PALM2AKAP2: variants seen among roughly 807,000 people sequenced by gnomAD.
The protein encoded by PALM2AKAP2 is PALM2-AKAP2 fusion protein.
PALM2AKAP2 carries 37 observed loss-of-function variants against 71.5 expected under a neutral mutation model. The observed-to-expected ratio is 0.52, with a 90% confidence interval of 0.40 to 0.68. The LOEUF is 0.68. PALM2AKAP2 is among the 30% of genes least tolerant of loss of function. PALM2AKAP2 has a pLI of 0.00. For missense variants in PALM2AKAP2, 1,224 were observed against 1,191.8 expected (o/e 1.03, Z -0.40); for synonymous variants, 468 against 478.8 (o/e 0.98, Z 0.29).
intron 1 of PALM2AKAP2, among the ~76,000 whole-genome samples, chr9:109,759,705 T>C (rs1212627222): frequency 2.6e-5 from 4 of 152,166 alleles, no homozygotes; most frequent in Non-Finnish European, 5.9e-5. Context: ...CGGATGTTGT[T>C]TCTCTTGCCT....
At chr9:109,906,540 G>A (rs906917910) in intron 3 of PALM2AKAP2, among the ~76,000 whole-genome samples, 1 of 152,094 alleles carries the variant, frequency 6.6e-6, no homozygotes, top group Non-Finnish European at 1.5e-5. Context: ...TTTCAGCCCA[G>A]CCTGTGCAGC....
chr9:109,756,156 C>T (rs1214940340), intron 1 of PALM2AKAP2, among the ~76,000 whole-genome samples: 1 of 152,134 alleles, frequency 6.6e-6, no homozygotes, highest in Admixed American at 6.6e-5. Flanking sequence ...TATATACATA[C>T]AGATACCAAC....
chr9:109,775,027 C>T (rs1373504537), intron 1 of PALM2AKAP2, among the ~76,000 whole-genome samples: 1 of 152,210 alleles, frequency 6.6e-6, no homozygotes, highest in African/African-American at 2.4e-5. Context: ...TGAGACTGGA[C>T]ATCACATATT....
chr9:109,723,073 T>C (rs1212495458), intron 1 of PALM2AKAP2, among the ~76,000 whole-genome samples: 2 of 152,190 alleles, frequency 1.3e-5, no homozygotes, highest in Admixed American at 1.3e-4. Context: ...AACTTAGCCT[T>C]TTCTCACTTT....
intron 6 of PALM2AKAP2, among the ~76,000 whole-genome samples, chr9:110,015,747 A>C (rs1200543130): frequency 1.3e-5 from 2 of 152,192 alleles, no homozygotes; most frequent in Non-Finnish European, 2.9e-5. Context: ...TAAATTGGAG[A>C]TTAGGTAAAA....
upstream of PALM2AKAP2, chr9:109,780,387 G>A (rs1829421792): frequency 2.5e-6 from 4 of 1,605,166 alleles, no homozygotes; most frequent in South Asian, 1.1e-5. Context: ...GCGTTCTCCC[G>A]GGTTCTAGCA....
chr9:109,882,857 T>C (rs1178332928), intron 3 of PALM2AKAP2, among the ~76,000 whole-genome samples: 1 of 152,058 alleles, frequency 6.6e-6, no homozygotes, highest in African/African-American at 2.4e-5. Context: ...CTATGTTGCT[T>C]AGGCTGGTCT....
intron 1 of PALM2AKAP2, among the ~76,000 whole-genome samples, chr9:109,642,158 A>G (rs1408397321): frequency 6.6e-6 from 1 of 152,102 alleles, no homozygotes. Flanking sequence ...GTACAAATTT[A>G]AGGAACTAGT....
intron 1 of PALM2AKAP2, among the ~76,000 whole-genome samples, chr9:109,759,600 C>G (rs1829019850): frequency 6.6e-6 from 1 of 152,084 alleles, no homozygotes; most frequent in South Asian, 2.1e-4. Context: ...ACAACAACAG[C>G]AACAACAACA....
At chr9:109,964,895 A>G (rs2132129427) in intron 6 of PALM2AKAP2, among the ~76,000 whole-genome samples, 1 of 152,232 alleles carries the variant, frequency 6.6e-6, no homozygotes, top group South Asian at 2.1e-4. Flanking sequence ...TAGAATCTAG[A>G]TTCATGCTGG....
chr9:110,004,029 A>G (rs1259616797), intron 6 of PALM2AKAP2, among the ~76,000 whole-genome samples: 1 of 152,264 alleles, frequency 6.6e-6, no homozygotes, highest in East Asian at 1.9e-4. Flanking sequence ...GCCCATTTAC[A>G]TTTAAGGTTA....
At chr9:109,702,206 A>G (rs1277219735) in intron 1 of PALM2AKAP2, among the ~76,000 whole-genome samples, 1 of 152,146 alleles carries the variant, frequency 6.6e-6, no homozygotes, top group Non-Finnish European at 1.5e-5. Context: ...ATCTAGAACT[A>G]GAAATACCAT....
chr9:109,732,403 T>C (rs985808630), intron 1 of PALM2AKAP2, among the ~76,000 whole-genome samples: 1 of 152,228 alleles, frequency 6.6e-6, no homozygotes, highest in Non-Finnish European at 1.5e-5. Context: ...CCTGTGATGA[T>C]TAATGAGGTA....
intron 1 of PALM2AKAP2, among the ~76,000 whole-genome samples, chr9:109,843,186 G>T (rs1587952782): frequency 7.1e-6 from 1 of 140,220 alleles, no homozygotes. Context: ...GATGCTTGTA[G>T]TCTCAGCTAC....
chr9:109,794,359 C>A (rs541537507), intron 1 of PALM2AKAP2, among the ~76,000 whole-genome samples: 2 of 150,508 alleles, frequency 1.3e-5, no homozygotes, highest in South Asian at 4.2e-4. Context: ...TTTCTATTGA[C>A]AGGGACTGAG....
intron 1 of PALM2AKAP2, among the ~76,000 whole-genome samples, chr9:109,643,292 T>C (rs937695449): frequency 2.0e-5 from 3 of 152,358 alleles, no homozygotes; most frequent in South Asian, 2.1e-4. Flanking sequence ...TTCTTAGACA[T>C]GGAGACTGTC....
At chr9:110,024,731 CTG>C (rs1833143630) in intron 7 of PALM2AKAP2, 1 of 586,350 alleles carries the variant, frequency 1.7e-6, no homozygotes, top group African/African-American at 1.9e-5. Flanking sequence ...GTGCAGTGAG[CTG>C]TGATTGTGTC....
exon 4 of PALM2AKAP2, chr9:110,172,016 C>T (rs1204956475): frequency 6.6e-6 from 1 of 152,432 alleles, no homozygotes; most frequent in African/African-American, 2.4e-5. Context: ...GACATATAAG[C>T]CGTATATAGA....
chr9:110,006,513 A>C (rs759583798), intron 6 of PALM2AKAP2, among the ~76,000 whole-genome samples: 1 of 151,586 alleles, frequency 6.6e-6, no homozygotes, highest in Non-Finnish European at 1.5e-5. Flanking sequence ...GACCTATGCC[A>C]CCATGCTCAG....
Sources: gnomAD v4.1 joint callset for allele counts (sites outside exome capture counted in the v4.1 genomes callset) on GRCh38, gnomAD v4.1.1 for gene constraint, MANE v1.5 for transcripts, NCBI Gene and HGNC (gene_info 2026-07-23, HGNC 2026-07-21) for gene names.